The following SUGCT variants were observed in gnomAD, a reference collection of about 807,000 sequenced individuals.
SUGCT encodes the protein succinyl-CoA:glutarate-CoA transferase.
SUGCT carries 41 observed loss-of-function variants against 55.0 expected under a neutral mutation model. The ratio of observed to expected loss-of-function variants is 0.74; its 90% CI spans 0.58 to 0.97. SUGCT has a LOEUF of 0.97. SUGCT is among the 50% of genes least tolerant of loss of function. The pLI is 0.00. For synonymous variants in SUGCT, 187 were observed against 200.4 expected (o/e 0.93, Z 0.56); for missense variants, 568 against 547.8 (o/e 1.04, Z -0.37).
intron 12 of SUGCT, among the ~76,000 whole-genome samples, chr7:40,525,041 C>T (rs562265814): frequency 6.6e-6 from 1 of 152,230 alleles, no homozygotes; most frequent in African/African-American, 2.4e-5. Context: ...TAAGCAAAGA[C>T]CTTTGTTAAA....
chr7:40,508,667 A>G (rs1027633989), intron 12 of SUGCT, among the ~76,000 whole-genome samples: 4 of 151,954 alleles, frequency 2.6e-5, no homozygotes, highest in African/African-American at 7.3e-5. Flanking sequence ...ATGTTTTTTC[A>G]TTTGCCATAT....
chr7:40,609,337 C>T (rs774547608), intron 12 of SUGCT, among the ~76,000 whole-genome samples: 14 of 151,932 alleles, frequency 9.2e-5, no homozygotes, highest in South Asian at 2.1e-4. Flanking sequence ...GAGGCCGAGG[C>T]GGGCGGATCA....
intron 9 of SUGCT, among the ~76,000 whole-genome samples, chr7:40,420,434 G>A (rs1342375823): frequency 6.6e-6 from 1 of 152,068 alleles, no homozygotes; most frequent in Non-Finnish European, 1.5e-5. Flanking sequence ...CATCTCCTGG[G>A]TTCAAGTGAT....
At chr7:40,565,964 A>C (rs1356666543) in intron 12 of SUGCT, among the ~76,000 whole-genome samples, 2 of 144,080 alleles carry the variant, frequency 1.4e-5, no homozygotes, top group Non-Finnish European at 3.0e-5. Flanking sequence ...AACACCTGGC[A>C]TATCACACAC....
intron 12 of SUGCT, among the ~76,000 whole-genome samples, chr7:40,698,110 G>C (rs1785014015): frequency 6.6e-6 from 1 of 152,238 alleles, no homozygotes; most frequent in African/African-American, 2.4e-5. Flanking sequence ...TATAGCACAA[G>C]CAAGTCCTGG....
At chr7:40,755,062 G>T (rs998283078) in intron 13 of SUGCT, among the ~76,000 whole-genome samples, 1 of 152,130 alleles carries the variant, frequency 6.6e-6, no homozygotes, top group Non-Finnish European at 1.5e-5. Context: ...AACAGGGAGG[G>T]GGCAGGCTCA....
chr7:40,225,024 C>G (rs1788252547), intron 6 of SUGCT, among the ~76,000 whole-genome samples: 1 of 152,206 alleles, frequency 6.6e-6, no homozygotes, highest in Non-Finnish European at 1.5e-5. Context: ...ATCACAGAGG[C>G]TGCCTGCCTG....
chr7:41,016,206 C>T, the SUGCT span, among the ~76,000 whole-genome samples: 5 of 152,136 alleles, frequency 3.3e-5, no homozygotes, highest in Admixed American at 2.6e-4. Context: ...GCTTTCTTAG[C>T]TCTTCACGGG....
At chr7:40,907,829 C>T in the SUGCT span, among the ~76,000 whole-genome samples, 1 of 152,184 alleles carries the variant, frequency 6.6e-6, no homozygotes, top group Non-Finnish European at 1.5e-5. Flanking sequence ...ATAAGTTTGA[C>T]ATCATCCTCA....
chr7:40,909,432 G>A, the SUGCT span, among the ~76,000 whole-genome samples: 1 of 152,178 alleles, frequency 6.6e-6, no homozygotes, highest in Non-Finnish European at 1.5e-5. Flanking sequence ...CTCATGGGCT[G>A]TGGGCCAATG....
At chr7:40,751,019 A>G (rs1329215316) in intron 13 of SUGCT, among the ~76,000 whole-genome samples, 2 of 152,234 alleles carry the variant, frequency 1.3e-5, no homozygotes, top group East Asian at 1.9e-4. Flanking sequence ...AAATGTTTCT[A>G]TAACTGTAAG....
At chr7:40,712,460 G>A (rs79179470) in intron 12 of SUGCT, among the ~76,000 whole-genome samples, 4,915 of 152,236 alleles carry the variant, frequency 0.032, 288 homozygotes, top group African/African-American at 0.11. Context: ...AATTTGTTAT[G>A]GGATGTTGTG....
intron 12 of SUGCT, among the ~76,000 whole-genome samples, chr7:40,691,166 T>A (rs1247443681): frequency 6.6e-6 from 1 of 152,202 alleles, no homozygotes; most frequent in Non-Finnish European, 1.5e-5. Flanking sequence ...CTGCATGAAA[T>A]CCTGGAGTGA....
At chr7:40,558,667 T>A (rs1483619393) in intron 12 of SUGCT, among the ~76,000 whole-genome samples, 1 of 152,194 alleles carries the variant, frequency 6.6e-6, no homozygotes, top group Non-Finnish European at 1.5e-5. Context: ...CTGTTAGGGA[T>A]GAGTAGAAGT....
intron 8 of SUGCT, among the ~76,000 whole-genome samples, chr7:40,314,559 C>CTTTT (rs1292941632): frequency 0.017 from 1,857 of 108,684 alleles, 95 homozygotes; most frequent in African/African-American, 0.051. Context: ...TCCCTTGTGT[C>CTTTT]TTTTTTTTTT....
intron 12 of SUGCT, among the ~76,000 whole-genome samples, chr7:40,556,963 C>A (rs111346328): frequency 6.6e-6 from 1 of 152,150 alleles, no homozygotes; most frequent in African/African-American, 2.4e-5. Flanking sequence ...TTAATGCAAC[C>A]TCTATCAAAA....
At chr7:40,274,833 C>T (rs1190825699) in intron 8 of SUGCT, among the ~76,000 whole-genome samples, 177 bp downstream of exon 8, 1 of 152,136 alleles carries the variant, frequency 6.6e-6, no homozygotes, top group Non-Finnish European at 1.5e-5. Context: ...TGGAATTTTG[C>T]TCTTGTTGCC....
chr7:41,002,107 G>T, the SUGCT span, among the ~76,000 whole-genome samples: 1 of 152,110 alleles, frequency 6.6e-6, no homozygotes, highest in East Asian at 1.9e-4. Flanking sequence ...TATAACCTCT[G>T]CCTCTTGGAT....
chr7:40,850,716 T>C (rs902275311), intron 13 of SUGCT, among the ~76,000 whole-genome samples: 1 of 152,210 alleles, frequency 6.6e-6, no homozygotes, highest in African/African-American at 2.4e-5. Flanking sequence ...AAATGGTTGA[T>C]TCCTTCCTTC....
Sources: allele counts gnomAD v4.1 joint callset (sites outside exome capture counted in the v4.1 genomes callset), GRCh38; gene constraint gnomAD v4.1.1; transcripts MANE v1.5; gene names NCBI Gene and HGNC (gene_info 2026-07-23, HGNC 2026-07-21).